Variants in ATP6V1D observed in about 807,000 individuals in gnomAD.
ATP6V1D encodes the protein ATPase H+ transporting V1 subunit D.
ATP6V1D carries 20 observed loss-of-function variants against 39.4 expected under a neutral mutation model. The ratio of observed to expected loss-of-function variants is 0.51; its 90% CI spans 0.36 to 0.74. ATP6V1D has a LOEUF of 0.74. Ranked by LOEUF, ATP6V1D falls within the 30% of genes least tolerant of loss-of-function variation. The pLI, the probability that ATP6V1D is intolerant of heterozygous loss-of-function variation, is 0.00. For synonymous variants in ATP6V1D, 100 were observed against 100.5 expected (o/e 0.99, Z 0.03); for missense variants, 228 against 291.6 (o/e 0.78, Z 1.59).
chr14:67,345,651 A>C (rs778145160), intron 6 of ATP6V1D, 117 bp downstream of exon 6: 9 of 634,376 alleles, frequency 1.4e-5, no homozygotes, highest in Non-Finnish European at 2.5e-5. Context: ...TTTACATAGG[A>C]TCATGGGAAC....
At chr14:67,351,919 A>T (rs1215910364) in intron 2 of ATP6V1D, among the ~76,000 whole-genome samples, 2 of 151,926 alleles carry the variant, frequency 1.3e-5, no homozygotes, top group Admixed American at 6.6e-5. Flanking sequence ...ACCAAAAAAA[A>T]AAAGAAGACA....
intron 1 of ATP6V1D, 94 bp downstream of exon 1, chr14:67,359,564 G>GA: frequency 7.1e-7 from 1 of 1,415,398 alleles, no homozygotes; most frequent in Non-Finnish European, 9.8e-7. Context: ...ATCCTCCCAG[G>GA]AAACAAGGAC....
intron 6 of ATP6V1D, among the ~76,000 whole-genome samples, chr14:67,344,526 C>T (rs75918949): frequency 0.012 from 1,816 of 152,138 alleles, 19 homozygotes; most frequent in Non-Finnish European, 0.018. Context: ...CATGCACAAA[C>T]GATGTTTATT....
At chr14:67,356,116 G>T (rs1021302861) in intron 1 of ATP6V1D, among the ~76,000 whole-genome samples, 1 of 151,900 alleles carries the variant, frequency 6.6e-6, no homozygotes, top group African/African-American at 2.4e-5. Context: ...TTTTAAAATC[G>T]CATGTACTAA....
At chr14:67,353,187 C>T (rs2085666860) in intron 1 of ATP6V1D, 147 bp from the exon 2 acceptor site, 1 of 623,712 alleles carries the variant, frequency 1.6e-6, no homozygotes, top group Admixed American at 2.7e-5. Context: ...ACAGGTTTAA[C>T]TGATGCTATG....
At chr14:67,349,004 C>A (rs779319676) in intron 4 of ATP6V1D, 33 bp downstream of exon 4, 3 of 1,596,216 alleles carry the variant, frequency 1.9e-6, no homozygotes, top group Non-Finnish European at 2.6e-6. Context: ...CCTCTTTTCT[C>A]CCCAAAGGGT....
Position 67,349,031 on chromosome 14 carries a change from C to T in ATP6V1D, c.307+6G>A, listed in dbSNP as rs776792817. 46 of 1,613,488 alleles carry T rather than the reference C, an allele frequency of 2.9e-5. No individual in the cohort carries two copies. Among genetic ancestry groups the T allele is most frequent in the East Asian group, 1.3e-4 (6 of 44,838 alleles). On this transcript the variant is annotated splice_donor_region_variant and intron_variant, in intron 4 of 8. Transcript: ENST00000216442. The stretch of plus-strand genomic sequence containing the variant: ...CCAAAGGGTTTCTAAAAGGTTGAAA[C>T]GTTACCTGCTACATTATCTTTCTTC...
At chr14:67,350,176 A>G (rs2085646782) in intron 3 of ATP6V1D, among the ~76,000 whole-genome samples, 1 of 152,220 alleles carries the variant, frequency 6.6e-6, no homozygotes, top group South Asian at 2.1e-4. Context: ...TAAATAATCC[A>G]ATTCTCAAAA....
At chr14:67,343,898 G>T (rs569024363) in intron 6 of ATP6V1D, among the ~76,000 whole-genome samples, 75 of 152,234 alleles carry the variant, frequency 4.9e-4, no homozygotes, top group African/African-American at 1.7e-3. Context: ...GATTTCCATA[G>T]GGCTAACACT....
intron 7 of ATP6V1D, among the ~76,000 whole-genome samples, chr14:67,341,610 G>A (rs1383290759): frequency 2.0e-5 from 3 of 146,846 alleles, no homozygotes; most frequent in African/African-American, 5.0e-5. Flanking sequence ...GGAGGTGAGG[G>A]GCGCCTCTGC....
At chr14:67,341,852 C>A (rs1214928952) in intron 7 of ATP6V1D, among the ~76,000 whole-genome samples, 4 of 152,182 alleles carry the variant, frequency 2.6e-5, no homozygotes, top group Non-Finnish European at 5.9e-5. Context: ...AAAAATTCTT[C>A]TGCTTTGGGA....
At position 67,356,434 on chromosome 14, in the gene ATP6V1D, CAA is replaced by C. The variant is rs11323157; in HGVS notation, c.41+3222_41+3223del. ...AAAACCTGCCTCAAAAAAACAAAAA[CAA>C]AAAAAAAAAAACAAAAACAAACAAA... On this transcript the variant is annotated intron_variant, in intron 1 of 8. Coordinates refer to ENST00000216442, the MANE Select transcript of ATP6V1D (RefSeq NM_015994.4). 1.7e-3 allele frequency among the ~76,000 whole-genome samples: 216 copies of C among 129,762 alleles called. 1 individual carries two copies. Among genetic ancestry groups the C allele is most frequent in the African/African-American group, 4.9e-3 (186 of 38,130 alleles). 85.1% of individuals were successfully genotyped at this position (129,762 alleles called of 152,430 possible).
chr14:67,338,527 C>A lies in ATP6V1D; in HGVS notation c.*94G>T. 1.5e-6 allele frequency: 2 copies of A among 1,343,088 alleles called. No individual in the cohort carries two copies. Among genetic ancestry groups the A allele is most frequent in the Non-Finnish European group, 2.0e-6 (2 of 1,010,670 alleles). 83.2% of individuals were successfully genotyped at this position (1,343,088 alleles called of 1,614,324 possible). A position where few individuals can be genotyped will look rare whatever the true frequency, so the allele number is the denominator to read the frequency against. ...TTTTACAACCAGTGAAATTCTTAGG[C>A]CAAAAAATAAATAGCCACACAAATC... On this transcript the variant is annotated 3_prime_UTR_variant, in exon 9 of 9. Coordinates refer to ENST00000216442, the MANE Select transcript of ATP6V1D (RefSeq NM_015994.4).
intron 1 of ATP6V1D, among the ~76,000 whole-genome samples, chr14:67,356,688 A>G (rs897781181): frequency 2.0e-5 from 3 of 152,182 alleles, no homozygotes; most frequent in Non-Finnish European, 4.4e-5. Flanking sequence ...GCTCAAACTA[A>G]GGCTCCAACC....
rs772839739 is a variant in ATP6V1D at position 67,340,443 on chromosome 14, T to A, written c.599A>T (p.Tyr200Phe). ...ATAACTGCCAATTTCAACAAACCTA[T>A]AGAACTCTTCTCGCTCTCTCTCATC... ...ELDEREREEFYRLKKIQEKKK... is the reference protein window; with the variant it reads ...ELDEREREEFFRLKKIQEKKK... Residue 200 changes from tyrosine (Y) to phenylalanine (F), a missense_variant, in exon 8 of 9, where the codon TAT (tyrosine) becomes TTT (phenylalanine). Physicochemically the swap from Tyr to Phe is conservative, Grantham distance 22. Coordinates refer to ENST00000216442, the MANE Select transcript of ATP6V1D (RefSeq NM_015994.4). 4.0e-5 allele frequency: 65 copies of A among 1,613,330 alleles called. No homozygotes were observed. The African/African-American group carries it at 7.3e-4, about 18-fold the overall frequency.
At chr14:67,347,343 A>T in intron 5 of ATP6V1D, 66 bp downstream of exon 5, 1 of 1,301,288 alleles carries the variant, frequency 7.7e-7, no homozygotes, top group Non-Finnish European at 1.1e-6. Context: ...TCCAGAACTT[A>T]GTTCATTTAA....
Position 67,356,702 on chromosome 14 carries a change from G to A in ATP6V1D, c.41+2956C>T, listed in dbSNP as rs184291823. Among the ~76,000 whole-genome samples, 219 of 152,180 alleles carry A rather than the reference G, an allele frequency of 1.4e-3. 4 individuals carry two copies. The highest frequency in any genetic ancestry group is 5.0e-3 in the African/African-American group (209 of 41,520). ...TGCTCAAACTAAGGCTCCAACCTAC[G>A]TTCACTGTACCCCAAACATGTGCCT... is the stretch of plus-strand genomic sequence containing the variant. On this transcript the variant is annotated intron_variant, in intron 1 of 8. Coordinates refer to ENST00000216442, the MANE Select transcript of ATP6V1D (RefSeq NM_015994.4).
At chr14:67,358,433 C>T (rs911401836) in intron 1 of ATP6V1D, among the ~76,000 whole-genome samples, 3 of 152,144 alleles carry the variant, frequency 2.0e-5, no homozygotes, top group African/African-American at 7.2e-5. Flanking sequence ...CAGATTCTCT[C>T]AAAGGACAGA....
intron 6 of ATP6V1D, among the ~76,000 whole-genome samples, chr14:67,344,694 C>T (rs566800354): frequency 5.9e-5 from 9 of 151,672 alleles, no homozygotes; most frequent in East Asian, 5.8e-4. Flanking sequence ...GCCTGGGCAA[C>T]GTAGCAAGAC....
Sources: gnomAD v4.1 joint callset for allele counts (sites outside exome capture counted in the v4.1 genomes callset) on GRCh38, gnomAD v4.1.1 for gene constraint, MANE v1.5 for transcripts, NCBI Gene and HGNC (gene_info 2026-07-23, HGNC 2026-07-21) for gene names.